The following PHLPP2 variants were observed in gnomAD, a reference collection of about 807,000 sequenced individuals.
PHLPP2 encodes the protein PH domain and leucine rich repeat protein phosphatase 2, also known as PH domain leucine-rich repeat-containing protein phosphatase 2.
Under a neutral mutation model 124.9 loss-of-function variants are expected in PHLPP2, and 66 were observed. That is an observed-to-expected ratio of 0.53 (90% CI 0.43 to 0.65). The LOEUF (loss-of-function observed/expected upper bound fraction) is 0.65. Among genes scored for constraint, PHLPP2 ranks in the 30% least tolerant of loss-of-function variants. The pLI is 0.00. For synonymous variants in PHLPP2, 681 were observed against 624.7 expected, an observed-to-expected ratio of 1.09 and a Z score of -1.34; for missense variants, 1,685 against 1,600.4, an observed-to-expected ratio of 1.05 and a Z score of -0.90.
Position 71,684,531 on chromosome 16 carries a change from T to A in PHLPP2, c.680A>T (p.His227Leu). The change falls in exon 5 of 19, where the codon CAT becomes CTT. Residue 227 changes from histidine to leucine, a missense_variant. Transcript: ENST00000568954. ...SSAGAQAQTY[H>L]VSFETLAEYQ... The stretch of plus-strand genomic sequence containing the variant: ...CTCGGCCAAAGTCTCGAAGCTGACA[T>A]GATAGGTCTGAGCTTGGGCTCCTGC... The A allele has an allele frequency of 1.2e-6, 2 of 1,613,906 alleles. No individual in the cohort carries two copies. Among genetic ancestry groups the A allele is most frequent in the East Asian group, 2.2e-5 (1 of 44,862 alleles).
At chr16:71,714,973 A>ACTTAATTT in intron 1 of PHLPP2, 172 bp from the exon 2 acceptor site, 1 of 775,686 alleles carries the variant, frequency 1.3e-6, no homozygotes, top group Non-Finnish European at 2.0e-6. Flanking sequence ...AACTCAGATA[A>ACTTAATTT]CTTAATTTTC....
At chr16:71,697,363 A>C (rs1164236430) in intron 3 of PHLPP2, among the ~76,000 whole-genome samples, 1 of 152,132 alleles carries the variant, frequency 6.6e-6, no homozygotes. Flanking sequence ...GAAGTGGCGC[A>C]CATCAAGTCC....
At position 71,649,245 on chromosome 16, in the gene PHLPP2, C is replaced by T. The variant is rs1400230640; in HGVS notation, c.3617G>A (p.Arg1206Gln). The change falls in exon 19 of 19, where the codon CGA (arginine) becomes CAA (glutamine). Residue 1206 changes from arginine to glutamine, a missense_variant. Transcript: ENST00000568954. Reference sequence around the variant, plus strand: ...GCCACTATTCACACTGTTCTGTCTTCGGATCCCAAAACACGACCCTCTAGC... The same window carrying T: ...GCCACTATTCACACTGTTCTGTCTTTGGATCCCAAAACACGACCCTCTAGC... ...EHARGSCFGI[R>Q]RQNSVNSGML... 18 of 1,613,834 alleles carry T rather than the reference C, an allele frequency of 1.1e-5. No homozygotes were observed. The highest frequency in any genetic ancestry group is 6.7e-5 in the Admixed American group (4 of 59,988).
intron 3 of PHLPP2, among the ~76,000 whole-genome samples, chr16:71,696,910 A>C (rs2045176986): frequency 6.6e-6 from 1 of 152,064 alleles, no homozygotes; most frequent in Non-Finnish European, 1.5e-5. Context: ...ACAGTGGCTC[A>C]CACCTGTAAT....
intron 9 of PHLPP2, among the ~76,000 whole-genome samples, chr16:71,674,588 AGT>A (rs1168188106): frequency 6.6e-6 from 1 of 152,144 alleles, no homozygotes; most frequent in Non-Finnish European, 1.5e-5. Flanking sequence ...CTCAAAAAAA[AGT>A]GTGCAATTTA....
intron 13 of PHLPP2, 44 bp downstream of exon 13, chr16:71,663,851 GAATT>G (rs781422230): frequency 2.2e-6 from 3 of 1,375,084 alleles, no homozygotes; most frequent in African/African-American, 1.4e-5. Context: ...GACAAATATA[GAATT>G]AATGTTGTGT....
chr16:71,669,510 G>A, intron 10 of PHLPP2, 140 bp from the exon 11 acceptor site: 1 of 611,070 alleles, frequency 1.6e-6, no homozygotes, highest in Non-Finnish European at 2.9e-6. Flanking sequence ...TTGGAACACT[G>A]CCTGGAATAT....
intron 9 of PHLPP2, among the ~76,000 whole-genome samples, chr16:71,672,808 G>C (rs1365376971): frequency 6.6e-6 from 1 of 152,180 alleles, no homozygotes; most frequent in Non-Finnish European, 1.5e-5. Context: ...TCCCCTCAAG[G>C]AGTCCTGACT....
At chr16:71,658,875 GCTATT>G in intron 13 of PHLPP2, 60 bp from the exon 14 acceptor site, 1 of 1,501,580 alleles carries the variant, frequency 6.7e-7, no homozygotes, top group South Asian at 1.2e-5. Context: ...CCAAGGAAGT[GCTATT>G]CTACAGCAGC....
chr16:71,718,658 G>A (rs2045379080), intron 1 of PHLPP2, among the ~76,000 whole-genome samples: 1 of 150,960 alleles, frequency 6.6e-6, no homozygotes, highest in Admixed American at 6.6e-5. Context: ...TTGAGGTCAG[G>A]GGTTCAAGAC....
intron 2 of PHLPP2, among the ~76,000 whole-genome samples, chr16:71,711,702 T>G (rs1177343992): frequency 6.6e-6 from 1 of 152,234 alleles, no homozygotes; most frequent in Non-Finnish European, 1.5e-5. Flanking sequence ...TTATGCTTTT[T>G]CATTTTCCAA....
intron 1 of PHLPP2, chr16:71,723,143 CA>C (rs1221654069): frequency 1.3e-5 from 2 of 152,310 alleles, no homozygotes; most frequent in Non-Finnish European, 2.9e-5. Flanking sequence ...GCAACACGCC[CA>C]GCAAGTCCCC....
At position 71,646,897 on chromosome 16, in the gene PHLPP2, T is replaced by A. The variant is rs2044657141; in HGVS notation, c.*1993A>T. 6.6e-6 allele frequency: 1 copy of A among 152,354 alleles called. No individual in the cohort carries two copies. The highest frequency in any genetic ancestry group is 6.6e-5 in the Admixed American group (1 of 15,264). 9.4% of individuals were successfully genotyped at this position (152,354 alleles called of 1,614,324 possible). A position where few individuals can be genotyped will look rare whatever the true frequency, so the allele number is the denominator to read the frequency against. The stretch of plus-strand genomic sequence containing the variant: ...TTCAGATTCTCGAGGGGTTGAACAT[T>A]AGACATCCATTAGAGTGTACCAAAT... On this transcript the variant is annotated 3_prime_UTR_variant, in exon 19 of 19. Coordinates refer to ENST00000568954, the MANE Select transcript of PHLPP2 (RefSeq NM_015020.3).
rs1264810211 is a variant in PHLPP2 at position 71,649,071 on chromosome 16, C to T, written c.3791G>A (p.Arg1264Lys). 5 of 1,614,162 alleles carry T rather than the reference C, an allele frequency of 3.1e-6. No individual in the cohort carries two copies. The highest frequency in any genetic ancestry group is 4.2e-6 in the Non-Finnish European group (5 of 1,180,034). ...LIEVATEVPK[R>K]KTGYFAAPTQ... ...GGGGGCAGCAAAATAGCCAGTTTTC[C>T]TCTTGGGCACTTCTGTGGCCACTTC... is the stretch of plus-strand genomic sequence containing the variant. The change falls in exon 19 of 19, where the codon AGG becomes AAG. Residue 1264 changes from arginine to lysine, a missense_variant. Physicochemically the swap from Arg to Lys is conservative, Grantham distance 26. Coordinates refer to ENST00000568954, the MANE Select transcript of PHLPP2 (RefSeq NM_015020.3).
At chr16:71,704,695 A>G (rs1209790507) in intron 2 of PHLPP2, among the ~76,000 whole-genome samples, 1 of 152,226 alleles carries the variant, frequency 6.6e-6, no homozygotes, top group East Asian at 1.9e-4. Context: ...AGAAATGGGA[A>G]ATAAACTTTT....
At chr16:71,679,116 C>G (rs1442114893) in intron 7 of PHLPP2, 131 bp from the exon 8 acceptor site, 1 of 637,478 alleles carries the variant, frequency 1.6e-6, no homozygotes, top group Non-Finnish European at 2.7e-6. Flanking sequence ...TCCTAACTCT[C>G]CATCTATGCA....
chr16:71,662,611 A>T (rs1402181670), intron 13 of PHLPP2, among the ~76,000 whole-genome samples: 1 of 152,216 alleles, frequency 6.6e-6, no homozygotes, highest in Non-Finnish European at 1.5e-5. Context: ...TATAATTTAC[A>T]TACATATAAT....
At position 71,707,780 on chromosome 16, in the gene PHLPP2, G is replaced by T. The variant is rs573908259; in HGVS notation, c.285-5049C>A. 5.3e-5 allele frequency among the ~76,000 whole-genome samples: 8 copies of T among 152,300 alleles called. 1 individual carries two copies. In the South Asian group the frequency reaches 1.5e-3, roughly 28 times the overall value. On this transcript the variant is annotated intron_variant, in intron 2 of 18. Transcript: ENST00000568954. ...TTTGCATCAAGCTAAAACTGTAATT[G>T]TAAGTATAGCACCTTCCTGAGTTCT...
At chr16:71,682,848 G>C (rs920332493) in intron 5 of PHLPP2, among the ~76,000 whole-genome samples, 3 of 152,066 alleles carry the variant, frequency 2.0e-5, no homozygotes, top group Admixed American at 6.6e-5. Flanking sequence ...TATAAAAATT[G>C]ATCTAAAAAA....
Sources: gnomAD v4.1 joint callset for allele counts (sites outside exome capture counted in the v4.1 genomes callset) on GRCh38, gnomAD v4.1.1 for gene constraint, MANE v1.5 for transcripts, NCBI Gene and HGNC (gene_info 2026-07-23, HGNC 2026-07-21) for gene names.